Variants in ANKS1B observed in about 807,000 individuals in gnomAD.
The protein encoded by ANKS1B is ankyrin repeat and sterile alpha motif domain-containing protein 1B.
In ANKS1B, 36 loss-of-function variants were observed where a neutral mutation model predicts 148.3. The observed-to-expected ratio is 0.24, with a 90% CI of 0.19 to 0.32. The LOEUF (loss-of-function observed/expected upper bound fraction) is 0.32. Among genes scored for constraint, ANKS1B ranks in the 10% least tolerant of loss-of-function variants. ANKS1B has a pLI of 1.00. For synonymous variants in ANKS1B, 542 were observed against 560.8 expected (o/e 0.97, Z 0.47); for missense variants, 1,157 against 1,542.6 (o/e 0.75, Z 4.19).
intron 8 of ANKS1B, among the ~76,000 whole-genome samples, chr12:99,677,777 G>C (rs957832632): frequency 4.0e-5 from 6 of 151,898 alleles, no homozygotes; most frequent in African/African-American, 1.5e-4. Flanking sequence ...ATCGAGACCA[G>C]CCTGGCTAAC....
At chr12:99,320,866 C>T (rs2085127033) in intron 12 of ANKS1B, among the ~76,000 whole-genome samples, 1 of 152,142 alleles carries the variant, frequency 6.6e-6, no homozygotes, top group Non-Finnish European at 1.5e-5. Context: ...TAGTGATGTG[C>T]AGATGGGGTT....
rs77144548 is a variant in ANKS1B at position 99,880,308 on chromosome 12, A to G, written c.135-54919T>C. On this transcript the variant is annotated intron_variant, in intron 1 of 26. Coordinates refer to ENST00000683438, the MANE Select transcript of ANKS1B (RefSeq NM_001352186.2). ...ATTTTATAAAAGATAAAACTGATAG[A>G]TGAACAGGTTAAATAACTTGCCCAA... Among the ~76,000 whole-genome samples, 1,460 of 152,298 alleles carry G rather than the reference A, an allele frequency of 9.6e-3. 27 individuals are homozygous for G. Among genetic ancestry groups the G allele is most frequent in the African/African-American group, 0.033 (1,373 of 41,552 alleles).
chr12:98,820,469 C>T (rs1005757301), intron 19 of ANKS1B, among the ~76,000 whole-genome samples: 2 of 152,104 alleles, frequency 1.3e-5, no homozygotes, highest in Non-Finnish European at 2.9e-5. Flanking sequence ...TCTGATCTGT[C>T]GTAGAGCCCT....
chr12:99,823,387 C>T (rs1034785284), intron 2 of ANKS1B, among the ~76,000 whole-genome samples: 1 of 152,136 alleles, frequency 6.6e-6, no homozygotes, highest in Non-Finnish European at 1.5e-5. Context: ...CTCGCTGCAA[C>T]CTCTGCCTCC....
chr12:99,915,856 T>C (rs1001790647), intron 1 of ANKS1B, among the ~76,000 whole-genome samples: 3 of 152,234 alleles, frequency 2.0e-5, no homozygotes, highest in Non-Finnish European at 2.9e-5. Context: ...GACTCTCTCC[T>C]ATCTTCTGGT....
At chr12:98,881,546 G>A (rs758755977) in intron 17 of ANKS1B, among the ~76,000 whole-genome samples, 22 of 151,938 alleles carry the variant, frequency 1.4e-4, no homozygotes, top group Non-Finnish European at 2.8e-4. Context: ...TCTTTCTGCT[G>A]TCATCAAAAA....
chr12:99,471,455 A>G (rs2096241000), intron 10 of ANKS1B, among the ~76,000 whole-genome samples: 1 of 152,062 alleles, frequency 6.6e-6, no homozygotes, highest in Non-Finnish European at 1.5e-5. Flanking sequence ...TGTACATCTT[A>G]AGGGACCTCT....
chr12:99,218,290 G>T (rs1436541755), intron 14 of ANKS1B, among the ~76,000 whole-genome samples: 2 of 152,080 alleles, frequency 1.3e-5, no homozygotes, highest in Non-Finnish European at 2.9e-5. Flanking sequence ...GAATTATTAT[G>T]GAATTAAATG....
chr12:98,960,870 A>C (rs1486833930), intron 17 of ANKS1B, among the ~76,000 whole-genome samples: 1 of 152,172 alleles, frequency 6.6e-6, no homozygotes, highest in Non-Finnish European at 1.5e-5. Context: ...TAACATACTG[A>C]AGAATGCATC....
At chr12:99,503,585 CTTA>C (rs1295914003) in intron 10 of ANKS1B, among the ~76,000 whole-genome samples, 1 of 152,130 alleles carries the variant, frequency 6.6e-6, no homozygotes, top group African/African-American at 2.4e-5. Context: ...CTGCTTTCTT[CTTA>C]TGTTACTATC....
chr12:98,845,971 T>TAC (rs1478830420), intron 17 of ANKS1B, among the ~76,000 whole-genome samples: 8 of 57,612 alleles, frequency 1.4e-4, no homozygotes, highest in African/African-American at 3.6e-4. Context: ...TCTTCATATA[T>TAC]ATATATATAC....
intron 9 of ANKS1B, chr12:99,649,383 T>C (rs773344334): frequency 2.4e-5 from 38 of 1,611,600 alleles, no homozygotes; most frequent in Admixed American, 5.0e-5. Flanking sequence ...ATTGTGATTA[T>C]ACAATAGAGA....
intron 1 of ANKS1B, among the ~76,000 whole-genome samples, chr12:99,857,248 C>A (rs573772929): frequency 1.3e-5 from 2 of 152,148 alleles, no homozygotes; most frequent in South Asian, 2.1e-4. Context: ...AGTTTCCAAG[C>A]TGAGAATCAA....
intron 8 of ANKS1B, among the ~76,000 whole-genome samples, chr12:99,748,051 A>G (rs1218166287): frequency 6.6e-6 from 1 of 152,110 alleles, no homozygotes; most frequent in Non-Finnish European, 1.5e-5. Context: ...TACAGCTCTT[A>G]AAGGCTGATA....
Position 98,778,020 on chromosome 12 carries a change from C to T in ANKS1B, c.3441+3097G>A, listed in dbSNP as rs2098697607. 2.0e-5 allele frequency among the ~76,000 whole-genome samples: 3 copies of T among 152,226 alleles called. No individual in the cohort carries two copies. The South Asian group carries it at 6.2e-4, about 32-fold the overall frequency. ...AGTTTTAGTCGTTCTTCACGACCAA[C>T]AGGCTGTGTGACTGCAGGGCAGCAC... On this transcript the variant is annotated intron_variant, in intron 24 of 26. Coordinates refer to ENST00000683438, the MANE Select transcript of ANKS1B (RefSeq NM_001352186.2).
chr12:99,664,683 G>A (rs1189338965), intron 8 of ANKS1B, among the ~76,000 whole-genome samples: 11 of 152,086 alleles, frequency 7.2e-5, no homozygotes, highest in Admixed American at 6.6e-4. Flanking sequence ...ACCGCAAAAG[G>A]TTACCTTGAA....
At chr12:99,573,852 C>T (rs2097488064) in intron 9 of ANKS1B, among the ~76,000 whole-genome samples, 1 of 151,994 alleles carries the variant, frequency 6.6e-6, no homozygotes, top group Admixed American at 6.6e-5. Flanking sequence ...AATACGTCCA[C>T]CTATTCACTG....
At chr12:99,843,479 C>G (rs1013467284) in intron 1 of ANKS1B, among the ~76,000 whole-genome samples, 3 of 152,040 alleles carry the variant, frequency 2.0e-5, no homozygotes, top group Admixed American at 6.6e-5. Context: ...CATCATTTGC[C>G]TCCCACTTAT....
chr12:98,778,498 A>G (rs1365767031), intron 24 of ANKS1B, among the ~76,000 whole-genome samples: 5 of 152,252 alleles, frequency 3.3e-5, no homozygotes, highest in Admixed American at 3.3e-4. Flanking sequence ...CCACTGACAC[A>G]GCACTGCCCA....
Sources: allele counts gnomAD v4.1 joint callset (sites outside exome capture counted in the v4.1 genomes callset), GRCh38; gene constraint gnomAD v4.1.1; transcripts MANE v1.5; gene names NCBI Gene and HGNC (gene_info 2026-07-23, HGNC 2026-07-21).